Variants in TAF1 observed in about 807,000 individuals in gnomAD.
The protein encoded by TAF1 is TATA-box binding protein associated factor 1, also known as transcription initiation factor TFIID subunit 1.
Under a neutral mutation model 138.5 loss-of-function variants are expected in TAF1, and 2 were observed. The observed-to-expected ratio is 0.01, with a 90% confidence interval of 0.01 to 0.05. The LOEUF (loss-of-function observed/expected upper bound fraction) is 0.05. Ranked by LOEUF, TAF1 falls within the 10% of genes least tolerant of loss-of-function variation. TAF1 has a pLI of 1.00. For synonymous variants in TAF1, 437 were observed against 503.2 expected (o/e 0.87, Z 1.76); for missense variants, 709 against 1,478.0 (o/e 0.48, Z 8.53).
Position 71,405,599 on chromosome X carries a change from C to T in TAF1, c.3999-1039C>T, listed in dbSNP as rs570177681. Among the ~76,000 whole-genome samples, 5 of 112,603 alleles carry T rather than the reference C, an allele frequency of 4.4e-5. No homozygotes were observed. The East Asian group carries it at 1.4e-3, about 31-fold the overall frequency. ...CTTCTGAGCTCAGGCAATCCGCCTG[C>T]CTGGGCCTTCCAAAGTGCTGAAATT... On this transcript the variant is annotated intron_variant, in intron 25 of 37. Coordinates refer to ENST00000423759, the MANE Select transcript of TAF1 (RefSeq NM_004606.5).
chrX:71,509,419 TGA>T (rs983599381), intron 13 of TAF1, among the ~76,000 whole-genome samples: 1 of 111,605 alleles, frequency 9.0e-6, no homozygotes, highest in Non-Finnish European at 1.9e-5. Context: ...ATATTGGTGG[TGA>T]GAGAGTGTTA....
intron 37 of TAF1, among the ~76,000 whole-genome samples, chrX:71,462,252 A>C (rs1349504961): frequency 1.8e-5 from 2 of 111,978 alleles, no homozygotes; most frequent in Admixed American, 1.9e-4. Flanking sequence ...TAATTTACAA[A>C]AGAAATGTAA....
chrX:71,483,145 T>C (rs1367227704), intron 13 of TAF1, among the ~76,000 whole-genome samples: 2 of 98,564 alleles, frequency 2.0e-5, no homozygotes, highest in African/African-American at 7.3e-5. Flanking sequence ...TTTTTTTTTT[T>C]CTTTTCTTTT....
intron 25 of TAF1, among the ~76,000 whole-genome samples, chrX:71,406,397 T>C (rs1313620590): frequency 9.1e-6 from 1 of 109,997 alleles, no homozygotes; most frequent in East Asian, 2.8e-4. Flanking sequence ...CTGGTTTCCT[T>C]ATCTTCCCAA....
chrX:71,381,651 C>T, intron 8 of TAF1, 92 bp from the exon 9 acceptor site: 1 of 1,007,655 alleles, frequency 9.9e-7, no homozygotes, highest in Non-Finnish European at 1.4e-6. Flanking sequence ...GCTCTACTAA[C>T]ATGAGTAACT....
chrX:71,508,010 A>T (rs2039659230), intron 13 of TAF1, among the ~76,000 whole-genome samples: 1 of 106,429 alleles, frequency 9.4e-6, no homozygotes, highest in African/African-American at 3.4e-5. Flanking sequence ...ATAAAATAAT[A>T]CATAAATAGA....
intron 13 of TAF1, among the ~76,000 whole-genome samples, chrX:71,481,048 G>T (rs2039061204): frequency 8.9e-6 from 1 of 112,522 alleles, no homozygotes; most frequent in Non-Finnish European, 1.9e-5. Context: ...GGAGGCCGAG[G>T]CGGGCGGATC....
chrX:71,449,238 C>A (rs976688692), intron 32 of TAF1, among the ~76,000 whole-genome samples: 4 of 111,129 alleles, frequency 3.6e-5, no homozygotes, highest in African/African-American at 9.8e-5. Context: ...GATCCGTCCA[C>A]CTGGGCCTCC....
intron 13 of TAF1, among the ~76,000 whole-genome samples, chrX:71,497,897 A>G (rs2039426107): frequency 8.9e-6 from 1 of 111,772 alleles, no homozygotes; most frequent in Non-Finnish European, 1.9e-5. Context: ...GGGTGAGGAT[A>G]AGCCAGTATA....
intron 3 of TAF1, among the ~76,000 whole-genome samples, chrX:71,374,558 G>A (rs2033334457): frequency 9.1e-6 from 1 of 109,510 alleles, no homozygotes; most frequent in Non-Finnish European, 1.9e-5. Context: ...ACTGTCTCCC[G>A]ACCTCAGCCT....
At chrX:71,429,286 C>G (rs2036760468) in intron 32 of TAF1, among the ~76,000 whole-genome samples, 1 of 109,203 alleles carries the variant, frequency 9.2e-6, no homozygotes, top group Non-Finnish European at 1.9e-5. Flanking sequence ...AAAAAAAAAG[C>G]AGAAGGAAGC....
Position 71,384,114 on chromosome X carries a change from G to A in TAF1, c.2100G>A (p.Lys700=), listed in dbSNP as rs1489445568. 1 of 1,211,567 alleles carries A rather than the reference G, an allele frequency of 8.3e-7. No homozygotes were observed. Among genetic ancestry groups the A allele is most frequent in the Non-Finnish European group, 1.1e-6 (1 of 895,473 alleles). ...PLMMQVGMAT[K]IKNYYKRKPG... Reference sequence around the variant, plus strand: ...TGATGCAGGTTGGCATGGCAACCAAGATAAAGAACTATTATAAACGGGTGA... The same window carrying A: ...TGATGCAGGTTGGCATGGCAACCAAAATAAAGAACTATTATAAACGGGTGA... The change falls in exon 13 of 38, where the codon AAG becomes AAA. Residue 700 remains lysine, a synonymous_variant. Coordinates refer to ENST00000423759, the MANE Select transcript of TAF1 (RefSeq NM_004606.5).
rs1327315511 is a variant in TAF1 at position 71,367,530 on chromosome X, C to T, written c.152C>T (p.Ala51Val). 1 of 1,211,559 alleles carries T rather than the reference C, an allele frequency of 8.3e-7. No homozygotes were observed. Among genetic ancestry groups the T allele is most frequent in the East Asian group, 3.0e-5 (1 of 33,839 alleles). The change falls in exon 2 of 38, where the codon GCT (alanine) becomes GTT (valine). Residue 51 changes from alanine (A) to valine (V), a missense_variant. Ala to Val is a moderately conservative substitution (Grantham distance 64). Transcript: ENST00000423759. ...ECKKHLAGLG[A>V]LGLGSLITEL... ...AAGAAGCACTTGGCAGGCTTGGGGG[C>T]TTTGGGGCTGGGCAGCCTGATCACT... is the stretch of plus-strand genomic sequence containing the variant.
chrX:71,436,038 CTTTTTTTT>C (rs780566468), intron 32 of TAF1, among the ~76,000 whole-genome samples: 2 of 78,433 alleles, frequency 2.5e-5, no homozygotes, highest in Non-Finnish European at 4.8e-5. Context: ...ATGCTACCTC[CTTTTTTTT>C]TTTTTTTTTT....
chrX:71,493,085 C>A (rs1296908315), intron 13 of TAF1: 1 of 109,837 alleles, frequency 9.1e-6, no homozygotes, highest in Non-Finnish European at 1.9e-5. Flanking sequence ...GTGGCGCGAT[C>A]TTGGCTCACC....
At chrX:71,405,369 C>T (rs1267458148) in intron 25 of TAF1, among the ~76,000 whole-genome samples, 1 of 110,507 alleles carries the variant, frequency 9.0e-6, no homozygotes, top group Admixed American at 9.7e-5. Flanking sequence ...CTTTTCCCAT[C>T]CTTGTTGATT....
intron 13 of TAF1, among the ~76,000 whole-genome samples, chrX:71,496,249 G>A (rs1182703384): frequency 1.8e-5 from 2 of 112,184 alleles, no homozygotes; most frequent in African/African-American, 3.2e-5. Flanking sequence ...AATTAATTAA[G>A]ATTCCCTGTT....
intron 32 of TAF1, among the ~76,000 whole-genome samples, chrX:71,445,269 C>T (rs1408691341): frequency 2.1e-5 from 2 of 95,705 alleles, no homozygotes; most frequent in African/African-American, 7.9e-5. Flanking sequence ...CACTGCACTC[C>T]AACCTGGACG....
At chrX:71,471,332 AAT>A (rs1556018472) in intron 13 of TAF1, among the ~76,000 whole-genome samples, 31 of 99,005 alleles carry the variant, frequency 3.1e-4, no homozygotes, top group South Asian at 4.6e-4. Flanking sequence ...AAAAAAAAAA[AAT>A]ATATATATAT....
Sources: allele counts gnomAD v4.1 joint callset (sites outside exome capture counted in the v4.1 genomes callset), GRCh38; gene constraint gnomAD v4.1.1; transcripts MANE v1.5; gene names NCBI Gene and HGNC (gene_info 2026-07-23, HGNC 2026-07-21).